Variants in C18orf63 observed in about 807,000 individuals in gnomAD.
The protein encoded by C18orf63 is chromosome 18 open reading frame 63.
C18orf63 carries 50 observed loss-of-function variants against 75.3 expected under a neutral mutation model. The observed-to-expected ratio is 0.66, with a 90% confidence interval of 0.53 to 0.84. The LOEUF is 0.84. Ranked by LOEUF, C18orf63 falls within the 40% of genes least tolerant of loss-of-function variation. C18orf63 has a pLI of 0.00. For synonymous variants in C18orf63, 232 were observed against 267.6 expected (o/e 0.87, Z 1.30); for missense variants, 732 against 800.2 (o/e 0.91, Z 1.03).
chr18:74,357,734 T>C lies in C18orf63; in HGVS notation c.*1287T>C, dbSNP rs533357450. ...TCCTGCTCCTGAAATTGTGTTTAGT[T>C]AATTAATTTGCTATATACCTTTATT... On this transcript the variant is annotated 3_prime_UTR_variant, in exon 14 of 14. Coordinates refer to ENST00000579455, the MANE Select transcript of C18orf63 (RefSeq NM_001174123.2). 2.0e-5 allele frequency: 3 copies of C among 152,346 alleles called. No homozygotes were observed. Among genetic ancestry groups the C allele is most frequent in the African/African-American group, 7.2e-5 (3 of 41,576 alleles). The allele number at this position is 152,346 out of a possible 1,614,324, so 9.4% of individuals were successfully genotyped here.
At chr18:74,352,305 T>A (rs562968665) in intron 11 of C18orf63, among the ~76,000 whole-genome samples, 4 of 152,180 alleles carry the variant, frequency 2.6e-5, no homozygotes, top group South Asian at 4.2e-4. Context: ...TGAAAAAAAA[T>A]TTTTGGAAAT....
At chr18:74,322,637 CATT>C in intron 3 of C18orf63, 58 bp from the exon 4 acceptor site, 1 of 518,336 alleles carries the variant, frequency 1.9e-6, no homozygotes, top group Non-Finnish European at 3.2e-6. Context: ...ATCTTTATTG[CATT>C]ATTTAATTAT....
chr18:74,339,389 T>C (rs1375816372), intron 8 of C18orf63, among the ~76,000 whole-genome samples: 1 of 152,122 alleles, frequency 6.6e-6, no homozygotes, highest in Non-Finnish European at 1.5e-5. Context: ...AGCAATATCT[T>C]TGGGTGGAAA....
chr18:74,334,764 A>G (rs1172214548), intron 7 of C18orf63, among the ~76,000 whole-genome samples: 2 of 152,122 alleles, frequency 1.3e-5, no homozygotes, highest in African/African-American at 4.8e-5. Flanking sequence ...CATGGCCTCC[A>G]TTGACTATAA....
intron 4 of C18orf63, among the ~76,000 whole-genome samples, chr18:74,327,144 T>C (rs1220064374): frequency 6.6e-6 from 1 of 152,010 alleles, no homozygotes; most frequent in Non-Finnish European, 1.5e-5. Context: ...TTAAACAAGT[T>C]TTATTGTGAG....
At chr18:74,324,338 T>C (rs1984172740) in intron 4 of C18orf63, among the ~76,000 whole-genome samples, 1 of 152,254 alleles carries the variant, frequency 6.6e-6, no homozygotes, top group South Asian at 2.1e-4. Context: ...TTTTTATTAA[T>C]CTGTCTTAAA....
At chr18:74,345,120 T>C (rs1984551430) in intron 11 of C18orf63, among the ~76,000 whole-genome samples, 2 of 152,152 alleles carry the variant, frequency 1.3e-5, no homozygotes. Context: ...GTTTTTAATT[T>C]GCATTTTCCC....
At chr18:74,347,886 T>C (rs1309474608) in intron 11 of C18orf63, among the ~76,000 whole-genome samples, 2 of 152,168 alleles carry the variant, frequency 1.3e-5, no homozygotes, top group Non-Finnish European at 2.9e-5. Context: ...CCTTGACATA[T>C]TTTTGGGTAG....
At chr18:74,348,867 G>A (rs144639337) in intron 11 of C18orf63, among the ~76,000 whole-genome samples, 11 of 152,132 alleles carry the variant, frequency 7.2e-5, no homozygotes, top group African/African-American at 1.4e-4. Context: ...TATCTTAAAC[G>A]TTGAAAGAAT....
intron 5 of C18orf63, among the ~76,000 whole-genome samples, chr18:74,328,567 C>T (rs2145118984): frequency 6.6e-6 from 1 of 152,280 alleles, no homozygotes; most frequent in Admixed American, 6.5e-5. Flanking sequence ...CCCACAACAA[C>T]ATAAATGTCA....
intron 11 of C18orf63, among the ~76,000 whole-genome samples, chr18:74,349,686 T>C (rs1475397195): frequency 6.6e-6 from 1 of 151,954 alleles, no homozygotes; most frequent in East Asian, 1.9e-4. Flanking sequence ...ACCACCCCGG[T>C]CCATGGAAAA....
intron 8 of C18orf63, among the ~76,000 whole-genome samples, chr18:74,339,510 A>G (rs964470839): frequency 2.6e-5 from 4 of 152,160 alleles, no homozygotes; most frequent in Non-Finnish European, 5.9e-5. Flanking sequence ...TAAAGGCCAT[A>G]TATGACAAAC....
At chr18:74,330,988 CT>C in intron 7 of C18orf63, 46 bp downstream of exon 7, 1 of 735,082 alleles carries the variant, frequency 1.4e-6, no homozygotes, top group Non-Finnish European at 2.0e-6. Flanking sequence ...TTACTATATA[CT>C]TTTTATATTT....
At chr18:74,341,682 G>C (rs1268119780) in intron 8 of C18orf63, among the ~76,000 whole-genome samples, 2 of 151,884 alleles carry the variant, frequency 1.3e-5, no homozygotes, top group African/African-American at 4.8e-5. Context: ...GCGAGACACT[G>C]TCTCAAAAAA....
At chr18:74,323,326 T>C (rs904884622) in intron 4 of C18orf63, among the ~76,000 whole-genome samples, 1 of 152,178 alleles carries the variant, frequency 6.6e-6, no homozygotes, top group African/African-American at 2.4e-5. Flanking sequence ...CTAGTAGAGT[T>C]TGGAATAATG....
At position 74,343,664 on chromosome 18, in the gene C18orf63, T is replaced by C. The variant is rs1037012405; in HGVS notation, c.940T>C (p.Cys314Arg). 5 of 1,533,538 alleles carry C rather than the reference T, an allele frequency of 3.3e-6. No homozygotes were observed. The Admixed American group carries it at 9.8e-5, about 30-fold the overall frequency. 95.0% of individuals were successfully genotyped at this position (1,533,538 alleles called of 1,614,324 possible). The change falls in exon 11 of 14, where the codon TGC becomes CGC. Residue 314 changes from cysteine to arginine, a missense_variant. Coordinates refer to ENST00000579455, the MANE Select transcript of C18orf63 (RefSeq NM_001174123.2). ...TCCCATAAAGATGACAAGTAAACCA[T>C]GCTACTACACACAAGAACTAACTAA... The part of the protein sequence containing the change: ...GFPIKMTSKP[C>R]YYTQELTKPN...
intron 8 of C18orf63, among the ~76,000 whole-genome samples, chr18:74,340,344 A>G (rs756948099): frequency 5.3e-5 from 8 of 152,182 alleles, no homozygotes; most frequent in Non-Finnish European, 8.8e-5. Flanking sequence ...TATCAAAACG[A>G]CAAAATATAA....
At chr18:74,334,068 C>G (rs1038913365) in intron 7 of C18orf63, among the ~76,000 whole-genome samples, 1 of 152,090 alleles carries the variant, frequency 6.6e-6, no homozygotes, top group Admixed American at 6.6e-5. Flanking sequence ...CTGTGTTATT[C>G]ATTTTTATTC....
intron 13 of C18orf63, among the ~76,000 whole-genome samples, chr18:74,354,807 C>T (rs1193360393): frequency 6.6e-6 from 1 of 152,160 alleles, no homozygotes; most frequent in Non-Finnish European, 1.5e-5. Context: ...TCTGGGGATC[C>T]TTGCAGACTA....
Sources: gnomAD v4.1 joint callset for allele counts (sites outside exome capture counted in the v4.1 genomes callset) on GRCh38, gnomAD v4.1.1 for gene constraint, MANE v1.5 for transcripts, NCBI Gene and HGNC (gene_info 2026-07-23, HGNC 2026-07-21) for gene names.